HIVEP1: variants seen among roughly 807,000 people sequenced by gnomAD.
The protein encoded by HIVEP1 is zinc finger protein 40.
Under a neutral mutation model 180.0 loss-of-function variants are expected in HIVEP1, and 36 were observed. The ratio of observed to expected loss-of-function variants is 0.20; its 90% confidence interval spans 0.15 to 0.26. HIVEP1 has a LOEUF of 0.26. Ranked by LOEUF, HIVEP1 falls within the 10% of genes least tolerant of loss-of-function variation. The pLI is 1.00. For missense variants in HIVEP1, 3,143 were observed against 3,268.7 expected (o/e 0.96, Z 0.94); for synonymous variants, 1,239 against 1,239.0 (o/e 1.00, Z 0.00).
At chr6:12,038,304 T>C (rs1769427749) in intron 2 of HIVEP1, 1 of 152,186 alleles carries the variant, frequency 6.6e-6, no homozygotes, top group Non-Finnish European at 1.5e-5. Context: ...ATTTTATGCA[T>C]TTTAAAACAT....
chr6:12,136,587 G>T (rs1758716927), intron 7 of HIVEP1, among the ~76,000 whole-genome samples: 1 of 152,218 alleles, frequency 6.6e-6, no homozygotes, highest in Admixed American at 6.5e-5. Context: ...GATTCAGCAT[G>T]TCATGAGCAG....
Position 12,061,412 on chromosome 6 carries a change from A to G in HIVEP1, c.41-27772A>G, listed in dbSNP as rs533034737. On this transcript the variant is annotated intron_variant, in intron 2 of 8. Coordinates refer to ENST00000379388, the MANE Select transcript of HIVEP1 (RefSeq NM_002114.4). ...CAGAAAAATCTAATATGGTAGGTTA[A>G]ACTGTAACCAGAAATGACTGTGTTA... Among the ~76,000 whole-genome samples the G allele has an allele frequency of 5.9e-5, 9 of 152,342 alleles. No homozygotes were observed. In the South Asian group the frequency reaches 1.2e-3, roughly 21 times the overall value.
chr6:12,071,098 C>A (rs574785971), intron 2 of HIVEP1, among the ~76,000 whole-genome samples: 14 of 152,300 alleles, frequency 9.2e-5, no homozygotes, highest in South Asian at 4.1e-4. Context: ...TTGGAATAAG[C>A]CCCCACCCCT....
intron 7 of HIVEP1, among the ~76,000 whole-genome samples, chr6:12,145,010 C>G (rs1759281216): frequency 2.0e-5 from 3 of 152,140 alleles, no homozygotes; most frequent in Non-Finnish European, 1.5e-5. Context: ...TCCAGCCATC[C>G]CATTACTGGG....
intron 2 of HIVEP1, chr6:12,038,313 A>T (rs1769427905): frequency 6.6e-6 from 1 of 152,150 alleles, no homozygotes; most frequent in African/African-American, 2.4e-5. Flanking sequence ...ATTTTAAAAC[A>T]TTCTGAAAAG....
chr6:12,129,959 TG>T, intron 5 of HIVEP1, 67 bp downstream of exon 5: 1 of 1,139,596 alleles, frequency 8.8e-7, no homozygotes, highest in Non-Finnish European at 1.3e-6. Context: ...TTTGCTTTCA[TG>T]TGAATGAAGA....
At chr6:12,165,019 T>G (rs1298987316), downstream of HIVEP1, 1 of 413,104 alleles carries the variant, frequency 2.4e-6, no homozygotes. Flanking sequence ...CAGTTGTGCC[T>G]TCTTTATATC....
the HIVEP1 span, among the ~76,000 whole-genome samples, chr6:12,210,940 C>G: frequency 6.6e-6 from 1 of 151,870 alleles, no homozygotes; most frequent in Non-Finnish European, 1.5e-5. Flanking sequence ...AGTCATAATG[C>G]CCGATAAATG....
the HIVEP1 span, among the ~76,000 whole-genome samples, chr6:12,180,383 C>T: frequency 6.6e-6 from 1 of 152,222 alleles, no homozygotes; most frequent in Non-Finnish European, 1.5e-5. Flanking sequence ...AAACTTCAAT[C>T]TTCATCTACT....
At chr6:12,100,949 A>G (rs1317952170) in intron 3 of HIVEP1, among the ~76,000 whole-genome samples, 1 of 152,170 alleles carries the variant, frequency 6.6e-6, no homozygotes, top group East Asian at 1.9e-4. Flanking sequence ...GGTCCCAAGC[A>G]TTTTGGATGA....
chr6:12,037,906 T>G, intron 2 of HIVEP1: 2 of 387,556 alleles, frequency 5.2e-6, no homozygotes, highest in Middle Eastern at 3.7e-4. Context: ...GGGAGGGGAG[T>G]TCCTCACTTT....
At chr6:12,112,085 C>T (rs939926788) in intron 3 of HIVEP1, among the ~76,000 whole-genome samples, 1 of 152,052 alleles carries the variant, frequency 6.6e-6, no homozygotes, top group Non-Finnish European at 1.5e-5. Context: ...TCAGTATAGG[C>T]CTGAAGACAA....
chr6:12,094,642 A>G (rs989505171), intron 3 of HIVEP1, among the ~76,000 whole-genome samples: 1 of 151,970 alleles, frequency 6.6e-6, no homozygotes, highest in Non-Finnish European at 1.5e-5. Flanking sequence ...CTTTAAACCA[A>G]TTTGGTCATG....
intron 3 of HIVEP1, among the ~76,000 whole-genome samples, chr6:12,093,994 A>G (rs907139631): frequency 6.6e-6 from 1 of 152,044 alleles, no homozygotes; most frequent in Non-Finnish European, 1.5e-5. Flanking sequence ...CACAGTTTTC[A>G]GGCCTTCTAT....
At chr6:12,155,483 C>G (rs1759979176) in intron 7 of HIVEP1, among the ~76,000 whole-genome samples, 1 of 151,392 alleles carries the variant, frequency 6.6e-6, no homozygotes, top group South Asian at 2.1e-4. Flanking sequence ...TCATTCAGCT[C>G]CCACTTATAA....
chr6:12,075,054 A>G (rs775206978), intron 2 of HIVEP1, among the ~76,000 whole-genome samples: 1 of 152,236 alleles, frequency 6.6e-6, no homozygotes, highest in Non-Finnish European at 1.5e-5. Context: ...AAAAAAGTAC[A>G]GTGAAACCTG....
At chr6:12,059,751 G>C (rs927473268) in intron 2 of HIVEP1, among the ~76,000 whole-genome samples, 7 of 152,158 alleles carry the variant, frequency 4.6e-5, no homozygotes, top group African/African-American at 1.7e-4. Context: ...AGCTGGGATG[G>C]GTTGGGGCTG....
chr6:12,084,220 C>T (rs966090364), intron 2 of HIVEP1, among the ~76,000 whole-genome samples: 4 of 152,110 alleles, frequency 2.6e-5, no homozygotes, highest in Non-Finnish European at 4.4e-5. Context: ...TACGATTTTA[C>T]TAGTTCATCA....
the HIVEP1 span, among the ~76,000 whole-genome samples, chr6:12,187,184 C>T: frequency 6.6e-6 from 1 of 152,068 alleles, no homozygotes; most frequent in Non-Finnish European, 1.5e-5. Context: ...GAGCAGAGGA[C>T]ACATTTGCAA....
Sources: gnomAD v4.1 joint callset for allele counts (sites outside exome capture counted in the v4.1 genomes callset) on GRCh38, gnomAD v4.1.1 for gene constraint, MANE v1.5 for transcripts, NCBI Gene and HGNC (gene_info 2026-07-23, HGNC 2026-07-21) for gene names.